The following PCBP2 variants were observed in gnomAD, a reference collection of about 807,000 sequenced individuals.
The protein encoded by PCBP2 is poly(rC)-binding protein 2.
In PCBP2, 4 loss-of-function variants were observed where a neutral mutation model predicts 50.1. That is an observed-to-expected ratio of 0.08 (90% CI 0.04 to 0.18). PCBP2 has a LOEUF of 0.18. Ranked by LOEUF, PCBP2 falls within the 10% of genes least tolerant of loss-of-function variation. The pLI is 1.00. For missense variants in PCBP2, 161 were observed against 474.3 expected (o/e 0.34, Z 6.14); for synonymous variants, 179 against 168.0 (o/e 1.07, Z -0.51).
At position 53,481,121 on chromosome 12, in the gene PCBP2, ATATG is replaced by A. The variant is rs1259039446; in HGVS notation, c.*1683_*1686del. 3.3e-6 allele frequency: 2 copies of A among 612,626 alleles called. No individual in the cohort carries two copies. The highest frequency in any genetic ancestry group is 2.0e-5 in the African/African-American group (1 of 50,152). 37.9% of individuals were successfully genotyped at this position (612,626 alleles called of 1,614,324 possible). A position where few individuals can be genotyped will look rare whatever the true frequency, so the allele number is the denominator to read the frequency against. ...GATTATGTGGCGCATATATATATAT[ATATG>A]TATATATATATAATTTATATAAATA... On this transcript the variant is annotated 3_prime_UTR_variant, in exon 15 of 15. Coordinates refer to ENST00000546463, the MANE Select transcript of PCBP2 (RefSeq NM_031989.5).
At chr12:53,472,137 A>G (rs1942287946) in intron 14 of PCBP2, among the ~76,000 whole-genome samples, 1 of 152,140 alleles carries the variant, frequency 6.6e-6, no homozygotes, top group Non-Finnish European at 1.5e-5. Context: ...TGTTCTACAT[A>G]GCATATAGAC....
At chr12:53,460,984 C>A (rs768288109) in intron 6 of PCBP2, 31 bp from the exon 7 acceptor site, 7 of 1,610,244 alleles carry the variant, frequency 4.3e-6, no homozygotes, top group South Asian at 2.2e-5. Flanking sequence ...AACTGTTTTT[C>A]TCTGATTTTG....
At chr12:53,452,569 C>T (rs1292873773) in intron 1 of PCBP2, among the ~76,000 whole-genome samples, 193 bp downstream of exon 1, 3 of 151,354 alleles carry the variant, frequency 2.0e-5, no homozygotes, top group Non-Finnish European at 4.4e-5. Flanking sequence ...AGGCCTCGCG[C>T]AAGGCCTATT....
At chr12:53,468,905 T>G in intron 13 of PCBP2, 73 bp downstream of exon 13, 5 of 1,008,500 alleles carry the variant, frequency 5.0e-6, no homozygotes, top group Non-Finnish European at 4.5e-6. Context: ...GTTTCAGCAG[T>G]GTCCTGCTAC....
intron 14 of PCBP2, chr12:53,475,549 CTTT>C (rs67600882): frequency 6.1e-5 from 9 of 146,578 alleles, no homozygotes; most frequent in African/African-American, 7.9e-5. Flanking sequence ...GCTTCGTTAA[CTTT>C]TTTTTTTTTT....
At chr12:53,460,333 A>G in intron 6 of PCBP2, 1 of 355,434 alleles carries the variant, frequency 2.8e-6, no homozygotes, top group Non-Finnish European at 5.6e-6. Context: ...TGTTGTAGAG[A>G]CGAGTCTCAC....
intron 12 of PCBP2, chr12:53,468,079 T>G: frequency 2.0e-6 from 1 of 508,978 alleles, no homozygotes; most frequent in Non-Finnish European, 3.5e-6. Context: ...GCTTGAGTGT[T>G]AGCCAGCTGG....
At chr12:53,456,995 T>A (rs138804529) in intron 5 of PCBP2, among the ~76,000 whole-genome samples, 1 of 152,352 alleles carries the variant, frequency 6.6e-6, no homozygotes, top group East Asian at 1.9e-4. Flanking sequence ...GAAAACACGT[T>A]TTATTCTTTT....
At chr12:53,467,923 T>C in intron 12 of PCBP2, 80 bp downstream of exon 12, 1 of 1,080,306 alleles carries the variant, frequency 9.3e-7, no homozygotes, top group Non-Finnish European at 1.4e-6. Context: ...TCACTGCCCA[T>C]GAACCATACC....
chr12:53,472,712 A>C (rs1050807049), intron 14 of PCBP2, among the ~76,000 whole-genome samples: 2 of 152,158 alleles, frequency 1.3e-5, no homozygotes, highest in African/African-American at 4.8e-5. Flanking sequence ...AGGAATTCCT[A>C]AGTATGTGGT....
At chr12:53,457,387 C>T (rs1166243049) in intron 5 of PCBP2, among the ~76,000 whole-genome samples, 1 of 151,638 alleles carries the variant, frequency 6.6e-6, no homozygotes, top group Non-Finnish European at 1.5e-5. Context: ...TTTTTTGAGA[C>T]AGGGTCTTGC....
chr12:53,478,492 T>G (rs1028308631), intron 14 of PCBP2, among the ~76,000 whole-genome samples: 1 of 150,864 alleles, frequency 6.6e-6, no homozygotes, highest in African/African-American at 2.4e-5. Context: ...TGGGTGAAAC[T>G]CAGTCTCAAA....
At chr12:53,472,446 TTAC>T (rs1391462423) in intron 14 of PCBP2, among the ~76,000 whole-genome samples, 1 of 152,200 alleles carries the variant, frequency 6.6e-6, no homozygotes, top group Non-Finnish European at 1.5e-5. Flanking sequence ...CTAGGTAGTG[TTAC>T]TACTCTCAAT....
chr12:53,471,603 A>G (rs916599612), intron 13 of PCBP2, 35 bp from the exon 14 acceptor site: 1 of 1,580,246 alleles, frequency 6.3e-7, no homozygotes, highest in African/African-American at 1.3e-5. Flanking sequence ...ATGCAACTCT[A>G]ATTCGGTGTG....
intron 5 of PCBP2, among the ~76,000 whole-genome samples, chr12:53,456,488 A>C (rs1216104832): frequency 3.9e-5 from 6 of 152,164 alleles, no homozygotes; most frequent in African/African-American, 7.2e-5. Flanking sequence ...TGAATCATCA[A>C]AACAGTTTGA....
intron 13 of PCBP2, 90 bp downstream of exon 13, chr12:53,468,922 T>TC: frequency 2.1e-6 from 2 of 973,890 alleles, no homozygotes; most frequent in Non-Finnish European, 3.1e-6. Flanking sequence ...CTACCCTTTT[T>TC]TTTTTTTTTT....
At chr12:53,459,840 A>G (rs1275308614) in intron 6 of PCBP2, 1 of 454,120 alleles carries the variant, frequency 2.2e-6, no homozygotes, top group Non-Finnish European at 4.4e-6. Context: ...CTGCAGCAAA[A>G]CATCGACCTT....
At chr12:53,457,324 T>G (rs1941102570) in intron 5 of PCBP2, among the ~76,000 whole-genome samples, 1 of 152,186 alleles carries the variant, frequency 6.6e-6, no homozygotes, top group African/African-American at 2.4e-5. Context: ...AGTGTTGGGA[T>G]TACAGGCGTG....
intron 6 of PCBP2, chr12:53,459,902 A>G (rs894747396): frequency 4.6e-5 from 21 of 453,568 alleles, no homozygotes; most frequent in Admixed American, 9.4e-5. Flanking sequence ...CCGGGACTGC[A>G]GGCTCCCACC....
Sources: gnomAD v4.1 joint callset for allele counts (sites outside exome capture counted in the v4.1 genomes callset) on GRCh38, gnomAD v4.1.1 for gene constraint, MANE v1.5 for transcripts, NCBI Gene and HGNC (gene_info 2026-07-23, HGNC 2026-07-21) for gene names.